AK9: variants seen among roughly 807,000 people sequenced by gnomAD.
AK9 encodes adenylate kinase domain containing 1.
Under a neutral mutation model 239.6 loss-of-function variants are expected in AK9, and 191 were observed. The observed-to-expected ratio is 0.80, with a 90% CI of 0.71 to 0.90. The LOEUF is 0.90. Among genes scored for constraint, AK9 ranks in the 40% least tolerant of loss-of-function variants. The probability of loss-of-function intolerance (pLI) is 0.00; values close to 1 mark genes in which losing one functional copy is unlikely to be tolerated. For missense variants in AK9, 1,995 were observed against 2,214.7 expected, an observed-to-expected ratio of 0.90 and a Z score of 1.99; for synonymous variants, 689 against 721.0, an observed-to-expected ratio of 0.96 and a Z score of 0.71.
rs544064382 is a variant in AK9 at position 109,576,309 on chromosome 6, G to A, written c.2192-2715C>T. On this transcript the variant is annotated intron_variant, in intron 20 of 40. Coordinates refer to ENST00000424296, the MANE Select transcript of AK9 (RefSeq NM_001145128.3). The stretch of plus-strand genomic sequence containing the variant: ...ATGGATTCTACCCATCCATGAGCAT[G>A]GGATGTGTTTTCATTTGTTTGTGTC... 3.0e-4 allele frequency among the ~76,000 whole-genome samples: 45 copies of A among 149,450 alleles called. 1 individual carries two copies. Among genetic ancestry groups the A allele is most frequent in the African/African-American group, 1.0e-3 (41 of 41,156 alleles).
intron 21 of AK9, among the ~76,000 whole-genome samples, chr6:109,565,963 T>C (rs775818170): frequency 1.2e-4 from 18 of 152,122 alleles, no homozygotes; most frequent in Non-Finnish European, 2.1e-4. Context: ...TGTTTAATTG[T>C]AGGTTGCTCA....
intron 28 of AK9, among the ~76,000 whole-genome samples, chr6:109,529,917 G>T: frequency 6.6e-6 from 1 of 152,138 alleles, no homozygotes; most frequent in East Asian, 1.9e-4. Context: ...GTGTGGCCTG[G>T]TTCCTCATAG....
Position 109,534,714 on chromosome 6 carries a change from G to A in AK9, c.3351-1244C>T, listed in dbSNP as rs999974362. Among the ~76,000 whole-genome samples, 9 of 151,964 alleles carry A rather than the reference G, an allele frequency of 5.9e-5. No homozygotes were observed. The East Asian group carries it at 1.2e-3, about 20-fold the overall frequency. On this transcript the variant is annotated intron_variant, in intron 27 of 40. Transcript: ENST00000424296. ...GTTGGTGTGCTGCACCCATTAACTC[G>A]TCATTTACATTAGGTATATCTCCTA...
chr6:109,627,812 C>G (rs1795717979), intron 12 of AK9, among the ~76,000 whole-genome samples: 1 of 152,118 alleles, frequency 6.6e-6, no homozygotes, highest in African/African-American at 2.4e-5. Context: ...ACCACCACAC[C>G]TGGCTAATTT....
chr6:109,589,283 A>C (rs1169012994), intron 17 of AK9, among the ~76,000 whole-genome samples: 1 of 152,046 alleles, frequency 6.6e-6, no homozygotes, highest in African/African-American at 2.4e-5. Flanking sequence ...CCTTGTAGAG[A>C]TCTTTCACCT....
At chr6:109,661,713 C>T (rs1299091691) in intron 6 of AK9, among the ~76,000 whole-genome samples, 3 of 152,216 alleles carry the variant, frequency 2.0e-5, no homozygotes, top group Non-Finnish European at 4.4e-5. Flanking sequence ...TGACACTCCA[C>T]TGGGTCCCAG....
At chr6:109,568,824 G>A (rs1165892004) in intron 21 of AK9, among the ~76,000 whole-genome samples, 1 of 152,134 alleles carries the variant, frequency 6.6e-6, no homozygotes, top group Admixed American at 6.5e-5. Context: ...TGGATAGGAA[G>A]AATCAATATT....
chr6:109,632,468 T>C (rs1796187157), intron 12 of AK9: 1 of 384,080 alleles, frequency 2.6e-6, no homozygotes, highest in African/African-American at 2.2e-5. Context: ...AATAATTTCA[T>C]TTACTGAGAG....
intron 33 of AK9, among the ~76,000 whole-genome samples, chr6:109,507,757 A>G (rs1423866508): frequency 6.6e-6 from 1 of 152,172 alleles, no homozygotes; most frequent in Non-Finnish European, 1.5e-5. Context: ...CCATACGTCT[A>G]TATTTGAGTT....
At chr6:109,629,448 T>A (rs1382097264) in intron 12 of AK9, among the ~76,000 whole-genome samples, 1 of 152,160 alleles carries the variant, frequency 6.6e-6, no homozygotes, top group East Asian at 1.9e-4. Flanking sequence ...TAAAATGGCC[T>A]TTCTTAGGGC....
chr6:109,511,470 C>T lies in AK9; in HGVS notation c.4280-2090G>A, dbSNP rs1778741286. ...ATTCCAGTTTTATAGATGAGGGGAA[C>T]TGATTTGTCCAAGGTTACATAGATG... On this transcript the variant is annotated intron_variant, in intron 32 of 40. Coordinates refer to ENST00000424296, the MANE Select transcript of AK9 (RefSeq NM_001145128.3). Among the ~76,000 whole-genome samples, 4 of 152,286 alleles carry T rather than the reference C, an allele frequency of 2.6e-5. No individual in the cohort carries two copies. In the South Asian group the frequency reaches 8.3e-4, roughly 32 times the overall value.
Position 109,682,541 on chromosome 6 carries a change from A to T in AK9, c.-11-6785T>A, listed in dbSNP as rs113087574. On this transcript the variant is annotated intron_variant, in intron 1 of 40. Coordinates refer to ENST00000424296, the MANE Select transcript of AK9 (RefSeq NM_001145128.3). ...AATAAAAGACAGAAGAATCAAATAG[A>T]TGCAATAAAAAATGATATAGGGGAT... Among the ~76,000 whole-genome samples, 1,201 of 152,230 alleles carry T rather than the reference A, an allele frequency of 7.9e-3. 27 individuals carry two copies. Among genetic ancestry groups the T allele is most frequent in the African/African-American group, 0.026 (1,064 of 41,526 alleles).
chr6:109,668,162 C>T (rs1015033382), intron 5 of AK9, among the ~76,000 whole-genome samples: 2 of 151,968 alleles, frequency 1.3e-5, no homozygotes, highest in African/African-American at 4.8e-5. Flanking sequence ...TGATGATGAG[C>T]ATTTTTTCAT....
chr6:109,643,949 A>C (rs1290807921), intron 9 of AK9, among the ~76,000 whole-genome samples: 1 of 152,152 alleles, frequency 6.6e-6, no homozygotes, highest in African/African-American at 2.4e-5. Flanking sequence ...TCCTTACCAG[A>C]CTAGGTTTTG....
chr6:109,533,823 T>A (rs1562365504), intron 27 of AK9, among the ~76,000 whole-genome samples: 2 of 152,152 alleles, frequency 1.3e-5, no homozygotes, highest in Non-Finnish European at 2.9e-5. Flanking sequence ...GTCAATCAGT[T>A]TACAGACAAT....
At chr6:109,596,360 G>A (rs977270835) in intron 17 of AK9, among the ~76,000 whole-genome samples, 5 of 152,208 alleles carry the variant, frequency 3.3e-5, no homozygotes, top group African/African-American at 1.2e-4. Context: ...CCACAGATGT[G>A]CCAGGTCATG....
intron 25 of AK9, 23 bp from the exon 26 acceptor site, chr6:109,546,150 G>C: frequency 9.6e-7 from 1 of 1,040,406 alleles, no homozygotes; most frequent in Non-Finnish European, 1.4e-6. Context: ...GTGGGTCAGG[G>C]AGGGGTGGGA....
chr6:109,633,127 A>G (rs1796311041), intron 11 of AK9, 24 bp from the exon 12 acceptor site: 2 of 1,555,040 alleles, frequency 1.3e-6, no homozygotes, highest in East Asian at 4.5e-5. Flanking sequence ...ATATTAGTAA[A>G]CAACTGAAAA....
intron 29 of AK9, among the ~76,000 whole-genome samples, chr6:109,517,161 G>A (rs1034414748): frequency 3.3e-5 from 5 of 152,084 alleles, no homozygotes; most frequent in Admixed American, 1.3e-4. Context: ...CTTTCAAAGG[G>A]TCTGTGGTTT....
Sources: allele counts gnomAD v4.1 joint callset (sites outside exome capture counted in the v4.1 genomes callset), GRCh38; gene constraint gnomAD v4.1.1; transcripts MANE v1.5; gene names NCBI Gene and HGNC (gene_info 2026-07-23, HGNC 2026-07-21).